IRAG2: variants seen among roughly 807,000 people sequenced by gnomAD.
IRAG2 encodes the protein lymphoid restricted membrane protein.
IRAG2 carries 45 observed loss-of-function variants against 69.9 expected under a neutral mutation model. The ratio of observed to expected loss-of-function variants is 0.64; its 90% confidence interval spans 0.51 to 0.83. The LOEUF (loss-of-function observed/expected upper bound fraction) is 0.83, where lower values mean the gene tolerates loss of function less well. IRAG2 is among the 40% of genes least tolerant of loss of function. The pLI, the probability that IRAG2 is intolerant of heterozygous loss-of-function variation, is 0.00. For synonymous variants in IRAG2, 193 were observed against 202.4 expected (o/e 0.95, Z 0.40); for missense variants, 520 against 587.0 (o/e 0.89, Z 1.18).
upstream of IRAG2, among the ~76,000 whole-genome samples, chr12:25,003,826 T>C (rs565564989): frequency 2.7e-4 from 41 of 152,322 alleles, 1 homozygote; most frequent in South Asian, 8.3e-3. Flanking sequence ...AGTTAAGTTC[T>C]GAATAGAGGG....
chr12:25,066,602 G>C (rs913821626), intron 5 of IRAG2, 90 bp downstream of exon 5: 2 of 397,294 alleles, frequency 5.0e-6, no homozygotes, highest in East Asian at 3.6e-5. Context: ...TTTTCATAAC[G>C]TGAGATCACA....
chr12:25,042,848 C>T (rs1020240297), intron 16 of IRAG2, among the ~76,000 whole-genome samples: 2 of 151,906 alleles, frequency 1.3e-5, no homozygotes, highest in Non-Finnish European at 2.9e-5. Flanking sequence ...GGTGAAAATA[C>T]ATATAAGTAA....
At position 25,052,893 on chromosome 12, in the gene IRAG2, A is replaced by G; in HGVS notation, c.-510A>G. On this transcript the variant is annotated 5_prime_UTR_variant, in exon 1 of 22. Transcript: ENST00000556887. The stretch of plus-strand genomic sequence containing the variant: ...AATTTCGGAACAACGGAACCTTCAA[A>G]CTATAAATACTGAATTATCGAACAC... 2.5e-6 allele frequency: 1 copy of G among 398,626 alleles called. No individual in the cohort carries two copies. Among genetic ancestry groups the G allele is most frequent in the Admixed American group, 4.4e-5 (1 of 22,740 alleles). 24.7% of individuals were successfully genotyped at this position (398,626 alleles called of 1,614,324 possible). A position where few individuals can be genotyped will look rare whatever the true frequency, so the allele number is the denominator to read the frequency against.
At chr12:25,005,105 G>A (rs12813859) in intron 1 of IRAG2, 21,243 of 491,770 alleles carry the variant, frequency 0.043, 540 homozygotes, top group Non-Finnish European at 0.052. Flanking sequence ...CTTAGATATA[G>A]GGGAATATTT....
chr12:25,097,170 G>A (rs11047827), intron 15 of IRAG2, 126 bp downstream of exon 15: 22,291 of 799,398 alleles, frequency 0.028, 366 homozygotes, highest in Non-Finnish European at 0.034. Flanking sequence ...AGACATATGC[G>A]TTTAATACAT....
At chr12:25,090,824 G>C (rs1254063332) in intron 14 of IRAG2, 3 of 453,434 alleles carry the variant, frequency 6.6e-6, no homozygotes, top group African/African-American at 2.0e-5. Context: ...AGGCAGAAAA[G>C]GAATCATACA....
At chr12:25,000,369 C>T (rs887227767), upstream of IRAG2, among the ~76,000 whole-genome samples, 6 of 152,108 alleles carry the variant, frequency 3.9e-5, no homozygotes, top group Admixed American at 2.0e-4. Flanking sequence ...ATCACCTGAG[C>T]CTGGGAGGTG....
intron 7 of IRAG2, chr12:25,023,804 G>A: frequency 1.2e-6 from 1 of 800,158 alleles, no homozygotes; most frequent in Middle Eastern, 4.2e-4. Context: ...CAGCCTTGGA[G>A]GTAAATATGT....
intron 9 of IRAG2, among the ~76,000 whole-genome samples, chr12:25,081,307 AC>A (rs1299389665): frequency 6.6e-5 from 10 of 152,306 alleles, no homozygotes; most frequent in African/African-American, 2.4e-4. Context: ...TACTAAAAAT[AC>A]AAAAAATTAG....
chr12:24,998,348 G>A, the IRAG2 span, among the ~76,000 whole-genome samples: 2 of 152,162 alleles, frequency 1.3e-5, no homozygotes, highest in Admixed American at 1.3e-4. Flanking sequence ...GACTTGCTGA[G>A]CATTTACTAA....
At chr12:24,999,997 T>C (rs1453423117), upstream of IRAG2, among the ~76,000 whole-genome samples, 1 of 152,224 alleles carries the variant, frequency 6.6e-6, no homozygotes, top group African/African-American at 2.4e-5. Flanking sequence ...CTAATAGCTC[T>C]AGTGGCTTAC....
chr12:25,041,236 A>T (rs1169101446), intron 16 of IRAG2, among the ~76,000 whole-genome samples: 3 of 152,122 alleles, frequency 2.0e-5, no homozygotes, highest in Middle Eastern at 3.2e-3. Flanking sequence ...AGAAGGATAG[A>T]CAGGGGCCAG....
At chr12:25,075,248 A>T (rs1364970765) in intron 6 of IRAG2, among the ~76,000 whole-genome samples, 1 of 151,994 alleles carries the variant, frequency 6.6e-6, no homozygotes, top group African/African-American at 2.4e-5. Flanking sequence ...AGTCTAATAG[A>T]CTCTTTGTTA....
At chr12:25,105,903 G>A (rs749015421) in intron 20 of IRAG2, among the ~76,000 whole-genome samples, 2 of 152,080 alleles carry the variant, frequency 1.3e-5, no homozygotes, top group Non-Finnish European at 2.9e-5. Flanking sequence ...AGGGTATTAT[G>A]AGCTTGAGAT....
intron 15 of IRAG2, among the ~76,000 whole-genome samples, chr12:25,037,820 T>G (rs1392698351): frequency 6.6e-6 from 1 of 152,168 alleles, no homozygotes. Flanking sequence ...TGGTATTAAT[T>G]AACATACAAT....
intron 2 of IRAG2, among the ~76,000 whole-genome samples, chr12:25,010,253 G>A (rs1944464204): frequency 6.6e-6 from 1 of 152,152 alleles, no homozygotes; most frequent in South Asian, 2.1e-4. Flanking sequence ...CAGGCAGGTG[G>A]ATCCCTTAAG....
chr12:25,087,151 T>A (rs1947667532), intron 10 of IRAG2, among the ~76,000 whole-genome samples: 1 of 130,110 alleles, frequency 7.7e-6, no homozygotes, highest in African/African-American at 2.9e-5. Context: ...CCACTCTCCT[T>A]CCTTTTTTTT....
chr12:25,046,202 A>G (rs1388714065), intron 16 of IRAG2, among the ~76,000 whole-genome samples: 1 of 152,182 alleles, frequency 6.6e-6, no homozygotes, highest in Non-Finnish European at 1.5e-5. Context: ...AACTAGGAAT[A>G]GAAGAAAATT....
chr12:25,059,581 C>T (rs1223311007), intron 1 of IRAG2, among the ~76,000 whole-genome samples: 3 of 152,008 alleles, frequency 2.0e-5, no homozygotes, highest in African/African-American at 4.8e-5. Context: ...CTCGAACTCC[C>T]GACCTCAGGT....
Sources: allele counts gnomAD v4.1 joint callset (sites outside exome capture counted in the v4.1 genomes callset), GRCh38; gene constraint gnomAD v4.1.1; transcripts MANE v1.5; gene names NCBI Gene and HGNC (gene_info 2026-07-23, HGNC 2026-07-21).